CAPN5: variants seen among roughly 807,000 people sequenced by gnomAD.
CAPN5 encodes the protein calpain-5.
Under a neutral mutation model 73.0 loss-of-function variants are expected in CAPN5, and 54 were observed. That is an observed-to-expected ratio of 0.74 (90% confidence interval 0.59 to 0.93). CAPN5 has a LOEUF of 0.93. Ranked by LOEUF, CAPN5 falls within the 40% of genes least tolerant of loss-of-function variation. The pLI, the probability that CAPN5 is intolerant of heterozygous loss-of-function variation, is 0.00. For synonymous variants in CAPN5, 335 were observed against 356.9 expected (o/e 0.94, Z 0.69); for missense variants, 785 against 882.9 (o/e 0.89, Z 1.41).
intron 1 of CAPN5, among the ~76,000 whole-genome samples, chr11:77,080,311 T>C (rs2135416616): frequency 1.3e-5 from 2 of 152,316 alleles, no homozygotes; most frequent in Middle Eastern, 3.4e-3. Context: ...GGGTCCTTTG[T>C]GGCTTTGAGG....
intron 3 of CAPN5, among the ~76,000 whole-genome samples, chr11:77,104,778 C>T (rs1950326246): frequency 6.6e-6 from 1 of 152,248 alleles, no homozygotes. Flanking sequence ...GCAAAGCTGT[C>T]AAGGAACTTG....
intron 3 of CAPN5, among the ~76,000 whole-genome samples, chr11:77,112,254 G>A (rs1009693899): frequency 1.3e-5 from 2 of 152,126 alleles, no homozygotes; most frequent in African/African-American, 4.8e-5. Context: ...TGGGTGGATG[G>A]TGGCGCTGGT....
In CAPN5 at chr11:77,077,459, T is replaced by C. The variant is rs186485987; in HGVS notation, c.-35-7393T>C. 2.5e-3 allele frequency among the ~76,000 whole-genome samples: 388 copies of C among 152,236 alleles called. 2 individuals carry two copies. The highest frequency in any genetic ancestry group is 0.014 in the Middle Eastern group (4 of 294). ...TGTCTTTTTTATAAAAGCCCAAAGG[T>C]GGGAGGTGGTATCTCATTGTGGTTT... On this transcript the variant is annotated intron_variant, in intron 1 of 12. Coordinates refer to ENST00000648180, the MANE Select transcript of CAPN5 (RefSeq NM_004055.5).
intron 2 of CAPN5, among the ~76,000 whole-genome samples, chr11:77,091,033 C>T (rs782398684): frequency 1.1e-4 from 17 of 152,206 alleles, no homozygotes; most frequent in Non-Finnish European, 4.4e-5. Context: ...CCCTGTAGTG[C>T]CAACTGGAAG....
At chr11:77,107,734 TC>T (rs1950366644) in intron 3 of CAPN5, among the ~76,000 whole-genome samples, 1 of 152,310 alleles carries the variant, frequency 6.6e-6, no homozygotes, top group East Asian at 1.9e-4. Context: ...AGGCGGCAGA[TC>T]CTGCCAGTCC....
chr11:77,070,086 A>G, intron 1 of CAPN5, among the ~76,000 whole-genome samples: 1 of 152,048 alleles, frequency 6.6e-6, no homozygotes, highest in East Asian at 1.9e-4. Context: ...ATGTGTGCTT[A>G]CCCGCAAGGG....
intron 2 of CAPN5, 84 bp from the exon 3 acceptor site, chr11:77,093,598 C>A (rs782744953): frequency 9.0e-5 from 78 of 864,992 alleles, no homozygotes; most frequent in Middle Eastern, 3.1e-4. Context: ...GTGTCTGTCA[C>A]GTCTGTGTCT....
intron 4 of CAPN5, 53 bp downstream of exon 4, chr11:77,112,850 G>A (rs142289931): frequency 3.3e-4 from 510 of 1,534,564 alleles, no homozygotes; most frequent in Non-Finnish European, 4.3e-4. Context: ...GGGTGGCACC[G>A]GATGGGCTCC....
intron 3 of CAPN5, among the ~76,000 whole-genome samples, chr11:77,110,215 A>G (rs1247002262): frequency 6.6e-6 from 1 of 151,790 alleles, no homozygotes; most frequent in Non-Finnish European, 1.5e-5. Flanking sequence ...AGCCTCCTGA[A>G]TGGCTAGGAT....
chr11:77,099,465 C>T (rs1237968096), intron 3 of CAPN5, among the ~76,000 whole-genome samples: 3 of 148,144 alleles, frequency 2.0e-5, no homozygotes, highest in East Asian at 2.1e-4. Context: ...AACGAGACTC[C>T]GTCTGCAATC....
intron 4 of CAPN5, 147 bp from the exon 5 acceptor site, chr11:77,114,095 G>A: frequency 1.5e-6 from 1 of 661,444 alleles, no homozygotes; most frequent in Non-Finnish European, 2.7e-6. Context: ...TAAGAACTGG[G>A]TTCCAGTGTT....
chr11:77,115,001 T>C (rs1217719226), intron 5 of CAPN5, among the ~76,000 whole-genome samples: 5 of 151,658 alleles, frequency 3.3e-5, no homozygotes, highest in Non-Finnish European at 7.4e-5. Context: ...AGGCAGAAAT[T>C]GTGGTGAGCC....
chr11:77,082,039 C>T (rs1249337437), intron 1 of CAPN5, among the ~76,000 whole-genome samples: 3 of 152,110 alleles, frequency 2.0e-5, no homozygotes, highest in Non-Finnish European at 4.4e-5. Context: ...GACACAGCCC[C>T]TCCCCTGGAG....
At chr11:77,122,549 A>ACC in intron 11 of CAPN5, 27 bp from the exon 12 acceptor site, 1 of 750,086 alleles carries the variant, frequency 1.3e-6, no homozygotes, top group South Asian at 2.0e-5. Flanking sequence ...CCCCACCCTC[A>ACC]CCCCATCTCC....
chr11:77,102,315 G>A (rs1950293674), intron 3 of CAPN5, among the ~76,000 whole-genome samples: 2 of 152,068 alleles, frequency 1.3e-5, no homozygotes, highest in African/African-American at 2.4e-5. Flanking sequence ...AGAGGGAGGC[G>A]GGCGTCAGGG....
chr11:77,121,055 C>G, intron 10 of CAPN5, 146 bp downstream of exon 10: 1 of 712,214 alleles, frequency 1.4e-6, no homozygotes, highest in East Asian at 2.6e-5. Flanking sequence ...CTTCCCTTCT[C>G]TTCCCTTGTT....
At chr11:77,107,708 CA>C (rs1191855921) in intron 3 of CAPN5, among the ~76,000 whole-genome samples, 3 of 152,194 alleles carry the variant, frequency 2.0e-5, no homozygotes, top group African/African-American at 7.2e-5. Context: ...GATCACATCC[CA>C]GGGGGTTATC....
rs1555041611 is a variant in CAPN5, at chr11:77,115,607, G to A, written c.893+19G>A. 20 of 1,596,690 alleles carry A rather than the reference G, an allele frequency of 1.3e-5. No homozygotes were observed. Among genetic ancestry groups the A allele is most frequent in the Non-Finnish European group, 1.6e-5 (19 of 1,168,352 alleles). On this transcript the variant is annotated intron_variant, in intron 6 of 12. Coordinates refer to ENST00000648180, the MANE Select transcript of CAPN5 (RefSeq NM_004055.5). ...GTGACACGTGAGGCCTGGGGATGGGGGTGCAGGCACAGGGCATGAGGGCTT... is the reference window on the plus strand; with the variant it reads ...GTGACACGTGAGGCCTGGGGATGGGAGTGCAGGCACAGGGCATGAGGGCTT...
chr11:77,122,198 C>G (rs1479185742), intron 11 of CAPN5, 149 bp downstream of exon 11: 4 of 582,970 alleles, frequency 6.9e-6, no homozygotes, highest in Non-Finnish European at 1.2e-5. Context: ...ATGCTGGGCA[C>G]ATAGAGAGGA....
Sources: gnomAD v4.1 joint callset for allele counts (sites outside exome capture counted in the v4.1 genomes callset) on GRCh38, gnomAD v4.1.1 for gene constraint, MANE v1.5 for transcripts, NCBI Gene and HGNC (gene_info 2026-07-23, HGNC 2026-07-21) for gene names.